Variants in NDUFS4 observed in about 807,000 individuals in gnomAD.
NDUFS4 encodes the protein NADH dehydrogenase [ubiquinone] iron-sulfur protein 4, mitochondrial.
NDUFS4 carries 28 observed loss-of-function variants against 24.3 expected under a neutral mutation model. The observed-to-expected ratio is 1.15, with a 90% CI of 0.85 to 1.58. The LOEUF (loss-of-function observed/expected upper bound fraction) is 1.58. NDUFS4 is among the 40% of genes most tolerant of loss of function. The pLI, the probability that NDUFS4 is intolerant of heterozygous loss-of-function variation, is 0.00. For missense variants in NDUFS4, 223 were observed against 207.9 expected (o/e 1.07, Z -0.45); for synonymous variants, 93 against 69.7 (o/e 1.34, Z -1.67).
At chr5:53,569,893 T>C (rs1393933928) in intron 1 of NDUFS4, among the ~76,000 whole-genome samples, 1 of 152,166 alleles carries the variant, frequency 6.6e-6, no homozygotes, top group Non-Finnish European at 1.5e-5. Context: ...ACTGTACTTT[T>C]ATTTAAATGA....
chr5:53,654,868 T>C (rs2112517431), intron 3 of NDUFS4, among the ~76,000 whole-genome samples: 1 of 152,334 alleles, frequency 6.6e-6, no homozygotes, highest in East Asian at 1.9e-4. Flanking sequence ...TTGAATAATA[T>C]TAAATAGGCT....
intron 1 of NDUFS4, among the ~76,000 whole-genome samples, chr5:53,598,481 C>T (rs1750199041): frequency 6.6e-6 from 1 of 152,122 alleles, no homozygotes; most frequent in Non-Finnish European, 1.5e-5. Context: ...GTCAGTTCCA[C>T]TTACTAGAAT....
chr5:53,573,799 C>G, intron 1 of NDUFS4: 1 of 240,570 alleles, frequency 4.2e-6, no homozygotes, highest in Non-Finnish European at 8.4e-6. Context: ...GCTATATTGC[C>G]CATGCTTGTC....
At chr5:53,664,568 C>A (rs1184597378) in intron 4 of NDUFS4, among the ~76,000 whole-genome samples, 5 of 152,170 alleles carry the variant, frequency 3.3e-5, no homozygotes, top group Admixed American at 2.0e-4. Flanking sequence ...CTTCTTGCTT[C>A]ATTTCATTCA....
At chr5:53,630,606 C>G (rs906536930) in intron 2 of NDUFS4, among the ~76,000 whole-genome samples, 3 of 151,994 alleles carry the variant, frequency 2.0e-5, no homozygotes, top group African/African-American at 7.3e-5. Flanking sequence ...CTAATCTTGT[C>G]TTCTTGCTTT....
At chr5:53,619,079 A>G (rs1319213624) in intron 2 of NDUFS4, among the ~76,000 whole-genome samples, 1 of 151,468 alleles carries the variant, frequency 6.6e-6, no homozygotes, top group African/African-American at 2.4e-5. Flanking sequence ...GCGCCACTCT[A>G]CTCCAGCTTG....
intron 3 of NDUFS4, among the ~76,000 whole-genome samples, chr5:53,647,662 A>C (rs1751907366): frequency 6.6e-6 from 1 of 152,334 alleles, no homozygotes; most frequent in South Asian, 2.1e-4. Context: ...CATTAGAGAA[A>C]ACATTAGGCA....
chr5:53,571,500 T>G (rs7728496), intron 1 of NDUFS4, among the ~76,000 whole-genome samples: 119,541 of 152,148 alleles, frequency 0.79, 47,107 homozygotes, highest in African/African-American at 0.84. Flanking sequence ...TCAGATACAA[T>G]ATTTTATGTC....
chr5:53,562,538 T>TAA (rs1748882128), intron 1 of NDUFS4, among the ~76,000 whole-genome samples: 2 of 152,190 alleles, frequency 1.3e-5, no homozygotes, highest in South Asian at 4.1e-4. Flanking sequence ...CCTGCAAATG[T>TAA]AAGAGATTTG....
chr5:53,622,376 C>T (rs1751072036), intron 2 of NDUFS4, among the ~76,000 whole-genome samples: 1 of 152,100 alleles, frequency 6.6e-6, no homozygotes, highest in African/African-American at 2.4e-5. Flanking sequence ...GTTAAGGTAC[C>T]AGCATGGTCG....
chr5:53,569,603 C>T (rs997340472), intron 1 of NDUFS4, among the ~76,000 whole-genome samples: 1 of 152,092 alleles, frequency 6.6e-6, no homozygotes, highest in South Asian at 2.1e-4. Flanking sequence ...TGGTGACTTT[C>T]TGATAACCCC....
chr5:53,563,751 C>T (rs1057147546), intron 1 of NDUFS4, among the ~76,000 whole-genome samples: 7 of 152,208 alleles, frequency 4.6e-5, no homozygotes, highest in Non-Finnish European at 8.8e-5. Context: ...ATCCACCCGC[C>T]CCGGCCTCCC....
intron 2 of NDUFS4, among the ~76,000 whole-genome samples, chr5:53,634,638 C>G (rs1420544027): frequency 6.6e-6 from 1 of 151,796 alleles, no homozygotes; most frequent in Non-Finnish European, 1.5e-5. Context: ...TTTTTCCTTC[C>G]CTGTGGGTCT....
At chr5:53,577,099 A>G (rs1277022029) in intron 1 of NDUFS4, among the ~76,000 whole-genome samples, 1 of 152,124 alleles carries the variant, frequency 6.6e-6, no homozygotes, top group East Asian at 1.9e-4. Context: ...GGGAAGTAGG[A>G]GTGAGAAGCC....
intron 2 of NDUFS4, among the ~76,000 whole-genome samples, chr5:53,617,576 C>T (rs1285490723): frequency 6.6e-6 from 1 of 152,008 alleles, no homozygotes. Context: ...TTATTCCGTA[C>T]TTCTGTTCCT....
intron 4 of NDUFS4, among the ~76,000 whole-genome samples, chr5:53,674,048 A>T (rs747909603): frequency 7.2e-5 from 11 of 152,240 alleles, no homozygotes; most frequent in Non-Finnish European, 1.6e-4. Context: ...TTCGTCTCCT[A>T]TAATAAAAGA....
intron 2 of NDUFS4, among the ~76,000 whole-genome samples, chr5:53,614,174 C>G (rs958013369): frequency 5.9e-5 from 9 of 151,854 alleles, no homozygotes; most frequent in Non-Finnish European, 1.3e-4. Flanking sequence ...CTATGATGAT[C>G]ATTAAAACAA....
intron 1 of NDUFS4, among the ~76,000 whole-genome samples, chr5:53,567,934 T>C (rs1749088063): frequency 6.6e-6 from 1 of 152,150 alleles, no homozygotes; most frequent in Non-Finnish European, 1.5e-5. Context: ...CTTGTAGAAG[T>C]CCATAGATCC....
At chr5:53,605,485 A>G (rs775505744) in intron 2 of NDUFS4, among the ~76,000 whole-genome samples, 9 of 152,238 alleles carry the variant, frequency 5.9e-5, no homozygotes, top group Non-Finnish European at 1.2e-4. Flanking sequence ...TATGAAGCAT[A>G]CAAGAGAGGT....
Sources: allele counts gnomAD v4.1 joint callset (sites outside exome capture counted in the v4.1 genomes callset), GRCh38; gene constraint gnomAD v4.1.1; transcripts MANE v1.5; gene names NCBI Gene and HGNC (gene_info 2026-07-23, HGNC 2026-07-21).